Variants in LARP1 observed in about 807,000 individuals in gnomAD.
LARP1 encodes la-related protein 1.
Under a neutral mutation model 122.7 loss-of-function variants are expected in LARP1, and 36 were observed. The observed-to-expected ratio is 0.29, with a 90% CI of 0.22 to 0.39. The LOEUF is 0.39. Among genes scored for constraint, LARP1 ranks in the 10% least tolerant of loss-of-function variants. LARP1 has a pLI of 1.00. For synonymous variants in LARP1, 539 were observed against 528.7 expected (o/e 1.02, Z -0.27); for missense variants, 1,040 against 1,403.6 (o/e 0.74, Z 4.14).
chr5:154,757,189 G>A (rs1561571133), intron 1 of LARP1: 1 of 151,052 alleles, frequency 6.6e-6, no homozygotes, highest in South Asian at 2.1e-4. Flanking sequence ...GTGCCTCCCC[G>A]CGCGGGGAGC....
At chr5:154,786,485 T>C in intron 1 of LARP1, 1 of 456,174 alleles carries the variant, frequency 2.2e-6, no homozygotes, top group Non-Finnish European at 4.4e-6. Context: ...AGATACCCTT[T>C]AGGGCTGGTT....
Position 154,811,276 on chromosome 5 carries a change from A to G in LARP1, c.2873A>G (p.Tyr958Cys), listed in dbSNP as rs1352389082. The change falls in exon 17 of 19, where the codon TAC becomes TGC. Residue 958 changes from tyrosine to cysteine, a missense_variant. Tyr to Cys is a radical substitution (Grantham distance 194). Around this residue, in one of 8 missense-constraint regions of LARP1, gnomAD observed 59 missense variants for 137.2 expected, o/e 0.43. Coordinates refer to ENST00000518297, the MANE Select transcript of LARP1 (RefSeq NM_033551.3). ...GGTTTGGAGTGCCTTTTTCGATACTACAGTTATGGCCTGGAAAAGAAGTTC... is the reference window on the plus strand; with the variant it reads ...GGTTTGGAGTGCCTTTTTCGATACTGCAGTTATGGCCTGGAAAAGAAGTTC... Reference protein sequence around the residue: ...RYGLECLFRYYSYGLEKKFRL... With the variant: ...RYGLECLFRYCSYGLEKKFRL... The G allele has an allele frequency of 1.9e-6, 3 of 1,614,014 alleles. No individual in the cohort carries two copies. Among genetic ancestry groups the G allele is most frequent in the Admixed American group, 1.7e-5 (1 of 59,994 alleles).
chr5:154,756,112 G>GCC lies in LARP1; in HGVS notation c.361_362dup (p.Pro122ArgfsTer4). The stretch of plus-strand genomic sequence containing the variant: ...CGCGGGGCGCCGGGACTTCGTGGAA[G>GCC]CCCCCCCGCCCAAGGTGAACCCGTG... On this transcript the variant is annotated frameshift_variant, in exon 1 of 19. Transcript: ENST00000518297. LOFTEE classifies it high-confidence loss of function. The GCC allele has an allele frequency of 2.5e-6, 3 of 1,219,540 alleles. No individual in the cohort carries two copies. The highest frequency in any genetic ancestry group is 3.2e-6 in the Non-Finnish European group (3 of 952,188). 75.5% of individuals were successfully genotyped at this position (1,219,540 alleles called of 1,614,324 possible). A position where few individuals can be genotyped will look rare whatever the true frequency, so the allele number is the denominator to read the frequency against.
At position 154,815,709 on chromosome 5, in the gene LARP1, A is replaced by G. The variant is rs921557617; in HGVS notation, c.*1613A>G. The G allele has an allele frequency of 6.6e-6, 1 of 152,480 alleles. No individual in the cohort carries two copies. Among genetic ancestry groups the G allele is most frequent in the Non-Finnish European group, 1.5e-5 (1 of 68,256 alleles). 9.4% of individuals were successfully genotyped at this position (152,480 alleles called of 1,614,324 possible). On this transcript the variant is annotated 3_prime_UTR_variant, in exon 19 of 19. Coordinates refer to ENST00000518297, the MANE Select transcript of LARP1 (RefSeq NM_033551.3). ...CTGCCAGTTGGTGAAGCCCTGTGGC[A>G]GGAAGGTATATGTGGACATAGAGTA...
At chr5:154,786,427 C>T in intron 1 of LARP1, 1 of 455,868 alleles carries the variant, frequency 2.2e-6, no homozygotes, top group South Asian at 1.5e-5. Flanking sequence ...TTAGTACTGG[C>T]TCCTGGCTAT....
At chr5:154,712,931 T>C in exon 1 of LARP1, 1 of 1,614,106 alleles carries the variant, frequency 6.2e-7, no homozygotes, top group Admixed American at 1.7e-5. Context: ...ACTCCATGCT[T>C]TGGAGGGTGC....
intron 1 of LARP1, among the ~76,000 whole-genome samples, chr5:154,719,861 CAAA>C (rs11291255): frequency 2.7e-4 from 33 of 122,092 alleles, no homozygotes; most frequent in Non-Finnish European, 2.1e-4. Flanking sequence ...GACTCTGTCT[CAAA>C]AAAAAAAAAA....
intron 1 of LARP1, among the ~76,000 whole-genome samples, chr5:154,759,605 A>G (rs1438233060): frequency 6.6e-6 from 1 of 152,232 alleles, no homozygotes; most frequent in African/African-American, 2.4e-5. Context: ...AGGAAAAGCC[A>G]GCCTAACTGG....
At chr5:154,760,670 T>G (rs988835997) in intron 1 of LARP1, among the ~76,000 whole-genome samples, 16 of 152,198 alleles carry the variant, frequency 1.1e-4, no homozygotes, top group Non-Finnish European at 1.9e-4. Context: ...ACTGCCAGTT[T>G]ATAGGGAAAT....
intron 1 of LARP1, among the ~76,000 whole-genome samples, chr5:154,699,004 T>C (rs9324792): frequency 0.76 from 114,937 of 151,656 alleles, 44,029 homozygotes; most frequent in African/African-American, 0.88. Context: ...ACTATTTCTT[T>C]CGATACAAGC....
intron 1 of LARP1, among the ~76,000 whole-genome samples, chr5:154,738,586 C>T (rs931563303): frequency 2.0e-5 from 3 of 151,086 alleles, no homozygotes; most frequent in African/African-American, 4.9e-5. Context: ...AGCGAGACTC[C>T]GTCTCAAAAA....
At chr5:154,703,959 A>G (rs1754835067) in intron 1 of LARP1, among the ~76,000 whole-genome samples, 1 of 152,134 alleles carries the variant, frequency 6.6e-6, no homozygotes, top group Admixed American at 6.6e-5. Flanking sequence ...TTCAACAAGC[A>G]TTGATTGAGT....
intron 1 of LARP1, among the ~76,000 whole-genome samples, chr5:154,738,875 T>A (rs1757061553): frequency 6.6e-6 from 1 of 152,090 alleles, no homozygotes; most frequent in African/African-American, 2.4e-5. Flanking sequence ...TAAGCTATGA[T>A]CGTGCCACTG....
intron 1 of LARP1, among the ~76,000 whole-genome samples, chr5:154,789,288 C>T (rs1298522636): frequency 3.6e-5 from 5 of 140,508 alleles, no homozygotes; most frequent in African/African-American, 5.4e-5. Context: ...GACGTTATCT[C>T]GGCTCACTGC....
At chr5:154,795,825 A>ATATATATATTTTATATATATT (rs1356256003) in intron 8 of LARP1, among the ~76,000 whole-genome samples, 1 of 109,848 alleles carries the variant, frequency 9.1e-6, no homozygotes, top group African/African-American at 2.9e-5. Context: ...ATATATATTT[A>ATATATATATTTTATATATATT]TATATATATT....
chr5:154,715,937 G>A (rs1183360350), intron 1 of LARP1, among the ~76,000 whole-genome samples: 1 of 152,130 alleles, frequency 6.6e-6, no homozygotes, highest in Admixed American at 6.5e-5. Context: ...GAGTATTGAA[G>A]CTCAGGGAGG....
chr5:154,694,305 G>A (rs369538906), intron 1 of LARP1, among the ~76,000 whole-genome samples: 6 of 152,068 alleles, frequency 3.9e-5, no homozygotes, highest in African/African-American at 1.2e-4. Context: ...TGCCCAGGCC[G>A]AAGTGCAGTG....
At chr5:154,722,715 C>CT (rs1755954196) in intron 1 of LARP1, among the ~76,000 whole-genome samples, 1 of 133,134 alleles carries the variant, frequency 7.5e-6, no homozygotes, top group Non-Finnish European at 1.5e-5. Flanking sequence ...GAGTCTCACT[C>CT]TATCGCCCAG....
At chr5:154,793,184 G>T (rs1244107213) in intron 4 of LARP1, among the ~76,000 whole-genome samples, 1 of 152,090 alleles carries the variant, frequency 6.6e-6, no homozygotes, top group Non-Finnish European at 1.5e-5. Context: ...TCTTCTTCTA[G>T]CTAGGAGGAA....
Sources: gnomAD v4.1 joint callset for allele counts (sites outside exome capture counted in the v4.1 genomes callset) on GRCh38, gnomAD v4.1.1 for gene constraint, gnomAD v4.1.1 regional missense constraint, MANE v1.5 for transcripts, NCBI Gene and HGNC (gene_info 2026-07-23, HGNC 2026-07-21) for gene names.